The following WWOX variants were observed in gnomAD, a reference collection of about 807,000 sequenced individuals.
The protein encoded by WWOX is WW domain-containing oxidoreductase.
A neutral mutation model predicts 46.2 loss-of-function variants in WWOX; 69 were observed. The ratio of observed to expected loss-of-function variants is 1.49; its 90% CI spans 1.23 to 1.82. The LOEUF (loss-of-function observed/expected upper bound fraction) is 1.82. Among genes scored for constraint, WWOX ranks in the 40% most tolerant of loss-of-function variants. WWOX has a pLI of 0.00. For missense variants in WWOX, 919 were observed against 542.6 expected, an observed-to-expected ratio of 1.69 and a Z score of -6.89; for synonymous variants, 359 against 202.6, an observed-to-expected ratio of 1.77 and a Z score of -6.56.
At chr16:78,809,311 T>TG (rs1261250906) in intron 8 of WWOX, among the ~76,000 whole-genome samples, 5 of 128,090 alleles carry the variant, frequency 3.9e-5, no homozygotes, top group Middle Eastern at 8.1e-3. Flanking sequence ...ATAGAGATCT[T>TG]GAAAAAAAAA....
At chr16:79,034,388 C>T (rs907210257) in intron 8 of WWOX, among the ~76,000 whole-genome samples, 91 of 152,216 alleles carry the variant, frequency 6.0e-4, no homozygotes, top group African/African-American at 2.2e-3. Flanking sequence ...TGCAAAGCAT[C>T]AGAATGCAAA....
At chr16:78,424,098 TTTTCTTTTC>T (rs1437880694) in intron 6 of WWOX, among the ~76,000 whole-genome samples, 2 of 137,730 alleles carry the variant, frequency 1.5e-5, no homozygotes, top group African/African-American at 6.0e-5. Flanking sequence ...TTTTCTTTTC[TTTTCTTTTC>T]TTTTTTTTTT....
At chr16:78,468,597 A>G (rs2084142349) in intron 8 of WWOX, among the ~76,000 whole-genome samples, 1 of 152,156 alleles carries the variant, frequency 6.6e-6, no homozygotes, top group Admixed American at 6.6e-5. Flanking sequence ...GGTAAGTGGA[A>G]AAAGCACATG....
At chr16:78,849,237 A>T (rs2052377577) in intron 8 of WWOX, among the ~76,000 whole-genome samples, 1 of 152,120 alleles carries the variant, frequency 6.6e-6, no homozygotes, top group African/African-American at 2.4e-5. Flanking sequence ...CTACAGAGTC[A>T]CTCATTCCTA....
intron 8 of WWOX, among the ~76,000 whole-genome samples, chr16:78,533,571 G>GA (rs1240307962): frequency 6.6e-6 from 1 of 152,184 alleles, no homozygotes. Context: ...TTGAGCATTT[G>GA]AAAGACTTCT....
chr16:78,556,844 A>G (rs944615283), intron 8 of WWOX, among the ~76,000 whole-genome samples: 1 of 151,906 alleles, frequency 6.6e-6, no homozygotes, highest in African/African-American at 2.4e-5. Context: ...TCAGCCTCCC[A>G]AGTAACTGGG....
At chr16:78,455,019 G>A (rs74028006) in intron 8 of WWOX, among the ~76,000 whole-genome samples, 1 of 152,112 alleles carries the variant, frequency 6.6e-6, no homozygotes, top group Non-Finnish European at 1.5e-5. Context: ...GCAAAAATGA[G>A]CAAGGTGTTC....
At chr16:78,753,097 C>T (rs2049526941) in intron 8 of WWOX, among the ~76,000 whole-genome samples, 1 of 152,148 alleles carries the variant, frequency 6.6e-6, no homozygotes, top group African/African-American at 2.4e-5. Flanking sequence ...GAGATGGAGA[C>T]CATCCTGGCT....
intron 6 of WWOX, among the ~76,000 whole-genome samples, chr16:78,417,663 A>G (rs1198447817): frequency 6.6e-6 from 1 of 152,160 alleles, no homozygotes; most frequent in African/African-American, 2.4e-5. Flanking sequence ...TCTTACTACA[A>G]TATATGAATT....
At chr16:78,990,537 C>T (rs114284428) in intron 8 of WWOX, among the ~76,000 whole-genome samples, 2,036 of 152,334 alleles carry the variant, frequency 0.013, 63 homozygotes, top group African/African-American at 0.047. Flanking sequence ...ACACTGACAA[C>T]AGCTCTTTGT....
At chr16:78,361,220 A>G (rs2081404276) in intron 5 of WWOX, among the ~76,000 whole-genome samples, 1 of 152,162 alleles carries the variant, frequency 6.6e-6, no homozygotes, top group South Asian at 2.1e-4. Flanking sequence ...GCTGAGTGTA[A>G]GCATTTTTTG....
chr16:78,440,622 T>C (rs2083423024), intron 8 of WWOX, among the ~76,000 whole-genome samples: 2 of 151,786 alleles, frequency 1.3e-5, no homozygotes, highest in African/African-American at 4.8e-5. Flanking sequence ...GTTTTTTTTT[T>C]TTCTTTTTTT....
At chr16:79,096,351 C>G (rs2049073278) in intron 8 of WWOX, among the ~76,000 whole-genome samples, 2 of 152,256 alleles carry the variant, frequency 1.3e-5, no homozygotes, top group South Asian at 4.1e-4. Flanking sequence ...CTGGCCATGG[C>G]ATCCTGCGTC....
At chr16:78,427,424 TAAAGTAGAATGA>T (rs2083108942) in intron 7 of WWOX, among the ~76,000 whole-genome samples, 1 of 151,946 alleles carries the variant, frequency 6.6e-6, no homozygotes, top group Non-Finnish European at 1.5e-5. Flanking sequence ...AGATAACAAT[TAAAGTAGAATGA>T]AAAGAGCAGA....
chr16:78,563,533 C>CTT (rs1278131270), intron 8 of WWOX, among the ~76,000 whole-genome samples: 1 of 114,832 alleles, frequency 8.7e-6, no homozygotes, highest in Non-Finnish European at 1.8e-5. Flanking sequence ...TTTTTTTTTT[C>CTT]TTTTTTTTTT....
chr16:79,204,396 T>C (rs1203012350), intron 8 of WWOX: 1 of 152,136 alleles, frequency 6.6e-6, no homozygotes, highest in African/African-American at 2.4e-5. Context: ...GCCGTTTCTT[T>C]TTCCTTCCCT....
chr16:78,438,000 C>G (rs1007076138), intron 8 of WWOX, among the ~76,000 whole-genome samples: 6 of 152,212 alleles, frequency 3.9e-5, no homozygotes, highest in Non-Finnish European at 7.4e-5. Context: ...TTTTAATTCA[C>G]AAAACCAGGT....
At chr16:78,476,586 C>A (rs980406635) in intron 8 of WWOX, among the ~76,000 whole-genome samples, 1 of 149,406 alleles carries the variant, frequency 6.7e-6, no homozygotes, top group Non-Finnish European at 1.5e-5. Context: ...GCACATGTAC[C>A]CTAGAACTGA....
At chr16:78,642,200 A>T (rs2046736062) in intron 8 of WWOX, among the ~76,000 whole-genome samples, 1 of 152,176 alleles carries the variant, frequency 6.6e-6, no homozygotes, top group Non-Finnish European at 1.5e-5. Flanking sequence ...TAATTTGTGA[A>T]TATCCATTCT....
Sources: gnomAD v4.1 joint callset for allele counts (sites outside exome capture counted in the v4.1 genomes callset) on GRCh38, gnomAD v4.1.1 for gene constraint, MANE v1.5 for transcripts, NCBI Gene and HGNC (gene_info 2026-07-23, HGNC 2026-07-21) for gene names.